Variants in STON2 observed in about 807,000 individuals in gnomAD.
The protein encoded by STON2 is stonin 2.
In STON2, 29 loss-of-function variants were observed where a neutral mutation model predicts 65.7. The observed-to-expected ratio is 0.44, with a 90% confidence interval of 0.33 to 0.60. STON2 has a LOEUF of 0.60. Ranked by LOEUF, STON2 falls within the 20% of genes least tolerant of loss-of-function variation. STON2 has a pLI of 0.03. For missense variants in STON2, 1,054 were observed against 1,118.1 expected, an observed-to-expected ratio of 0.94 and a Z score of 0.82; for synonymous variants, 404 against 414.2, an observed-to-expected ratio of 0.98 and a Z score of 0.30.
rs139321163 is a variant in STON2, at chr14:81,412,847, A to G, written c.-199+14255T>C. 9.5e-4 allele frequency: 483 copies of G among 506,466 alleles called. 34 individuals carry two copies. The highest frequency in any genetic ancestry group is 1.5e-3 in the Non-Finnish European group (443 of 301,060). The allele number at this position is 506,466 out of a possible 1,614,324, so 31.4% of individuals were successfully genotyped here. On this transcript the variant is annotated intron_variant, in intron 2 of 8. Transcript: ENST00000553821. ...TGACCTTTAAAACTTTCTGTCAAACATTAAAAGCTTTCTTCTTAGAGGCGC... is the reference window on the plus strand; with the variant it reads ...TGACCTTTAAAACTTTCTGTCAAACGTTAAAAGCTTTCTTCTTAGAGGCGC...
intron 2 of STON2, among the ~76,000 whole-genome samples, chr14:81,408,514 G>T (rs181264585): frequency 6.6e-6 from 1 of 152,244 alleles, no homozygotes; most frequent in East Asian, 1.9e-4. Context: ...CCTAACCCTA[G>T]GTGGCTTCCT....
At chr14:81,378,084 T>A in intron 3 of STON2, among the ~76,000 whole-genome samples, 1 of 152,148 alleles carries the variant, frequency 6.6e-6, no homozygotes, top group Non-Finnish European at 1.5e-5. Flanking sequence ...CGACCTCAAG[T>A]GACAGCCCAC....
intron 5 of STON2, among the ~76,000 whole-genome samples, chr14:81,285,453 GCTGTAAT>G (rs1895295672): frequency 6.6e-6 from 1 of 152,180 alleles, no homozygotes; most frequent in Non-Finnish European, 1.5e-5. Flanking sequence ...TGACTGAATT[GCTGTAAT>G]CTCATGATAA....
At chr14:81,425,462 C>T (rs1404604180) in intron 2 of STON2, among the ~76,000 whole-genome samples, 1 of 152,090 alleles carries the variant, frequency 6.6e-6, no homozygotes. Flanking sequence ...ATCCCAGCTA[C>T]TTGGGAGGCT....
intron 5 of STON2, among the ~76,000 whole-genome samples, chr14:81,312,195 G>A (rs901378899): frequency 6.6e-5 from 10 of 152,134 alleles, no homozygotes; most frequent in Non-Finnish European, 1.2e-4. Context: ...AGAGTCTGCT[G>A]GGATCTAAGC....
intron 5 of STON2, among the ~76,000 whole-genome samples, chr14:81,296,949 C>A (rs1895785231): frequency 6.6e-6 from 1 of 152,172 alleles, no homozygotes; most frequent in South Asian, 2.1e-4. Flanking sequence ...CCATCTTCAG[C>A]CACCTGGCAA....
chr14:81,420,493 C>G (rs1901652721), intron 2 of STON2, among the ~76,000 whole-genome samples: 1 of 152,060 alleles, frequency 6.6e-6, no homozygotes, highest in African/African-American at 2.4e-5. Flanking sequence ...ATTCTAAGAA[C>G]AGAGAGAGGA....
chr14:81,352,334 G>A (rs1025652075), intron 4 of STON2, among the ~76,000 whole-genome samples: 3 of 152,160 alleles, frequency 2.0e-5, no homozygotes, highest in Non-Finnish European at 2.9e-5. Flanking sequence ...CTAAGTGGAA[G>A]GTACTGCTAA....
Position 81,277,119 on chromosome 14 carries a change from C to T in STON2, c.2363G>A (p.Arg788His), listed in dbSNP as rs747981712. Reference sequence around the variant, plus strand: ...CACCCACTCACTGGGCACAGGGTAACGGATCATCACATTCTCACAGGGAAC... The same window carrying T: ...CACCCACTCACTGGGCACAGGGTAATGGATCATCACATTCTCACAGGGAAC... ...TQVPCENVMIRYPVPSEWVKN... is the reference protein window; with the variant it reads ...TQVPCENVMIHYPVPSEWVKN... Residue 788 changes from arginine to histidine, a missense_variant, in exon 6 of 8, where the codon CGT (arginine) becomes CAT (histidine). Coordinates refer to ENST00000614646, the MANE Select transcript of STON2 (RefSeq NM_001394390.1). 16 of 1,614,088 alleles carry T rather than the reference C, an allele frequency of 9.9e-6. No homozygotes were observed. The highest frequency in any genetic ancestry group is 2.2e-5 in the South Asian group (2 of 91,084).
At chr14:81,435,577 G>A (rs553168598) in intron 1 of STON2, among the ~76,000 whole-genome samples, 1 of 152,106 alleles carries the variant, frequency 6.6e-6, no homozygotes, top group South Asian at 2.1e-4. Context: ...GAGGCAGGCA[G>A]AGACCAGGAG....
At chr14:81,333,970 A>G (rs1050156418) in intron 4 of STON2, among the ~76,000 whole-genome samples, 2 of 152,232 alleles carry the variant, frequency 1.3e-5, no homozygotes, top group Non-Finnish European at 2.9e-5. Context: ...GGTTAAATAC[A>G]TACCTTTACC....
At chr14:81,390,845 G>C (rs1900046426) in intron 3 of STON2, among the ~76,000 whole-genome samples, 1 of 152,208 alleles carries the variant, frequency 6.6e-6, no homozygotes, top group African/African-American at 2.4e-5. Context: ...GATGTCAGCA[G>C]AACTGCACTC....
chr14:81,416,343 G>A (rs1247805273), intron 2 of STON2, among the ~76,000 whole-genome samples: 1 of 152,192 alleles, frequency 6.6e-6, no homozygotes, highest in Admixed American at 6.5e-5. Context: ...TGGCATTCAG[G>A]AAGTGAAAGT....
intron 4 of STON2, among the ~76,000 whole-genome samples, chr14:81,328,661 AG>A (rs1322624780): frequency 6.6e-6 from 1 of 152,112 alleles, no homozygotes; most frequent in Non-Finnish European, 1.5e-5. Flanking sequence ...CCAGTGTTGA[AG>A]GGGGGTGCCT....
rs1353084517 is a variant in STON2 at position 81,264,949 on chromosome 14, AAAAG to A, written c.*3461_*3464del. ...AAGTCAAAAAGCAGGCCCTAGACTCAAAAGAAAGCACAGCTCTTGATACCACGTG... is the reference window on the plus strand; with the variant it reads ...AAGTCAAAAAGCAGGCCCTAGACTCAAAAGCACAGCTCTTGATACCACGTG... On this transcript the variant is annotated 3_prime_UTR_variant, in exon 8 of 8. Transcript: ENST00000614646. 1.0e-6 allele frequency: 1 copy of A among 985,288 alleles called. No homozygotes were observed. The highest frequency in any genetic ancestry group is 6.1e-5 in the Admixed American group (1 of 16,262). The allele number at this position is 985,288 out of a possible 1,614,324, so 61.0% of individuals were successfully genotyped here. A position where few individuals can be genotyped will look rare whatever the true frequency, so the allele number is the denominator to read the frequency against.
chr14:81,307,767 T>G (rs6574641), intron 5 of STON2, among the ~76,000 whole-genome samples: 1 of 152,140 alleles, frequency 6.6e-6, no homozygotes, highest in Non-Finnish European at 1.5e-5. Flanking sequence ...CTTATGCTTT[T>G]CTTAATAACA....
intron 4 of STON2, among the ~76,000 whole-genome samples, chr14:81,363,664 A>G (rs577574237): frequency 2.6e-5 from 4 of 152,326 alleles, no homozygotes; most frequent in South Asian, 4.1e-4. Flanking sequence ...CATTTTGAGG[A>G]AGGAAAATAT....
intron 6 of STON2, among the ~76,000 whole-genome samples, chr14:81,276,626 G>T (rs1372575483): frequency 6.6e-6 from 1 of 152,190 alleles, no homozygotes; most frequent in South Asian, 2.1e-4. Flanking sequence ...TTCAGAAGCT[G>T]CCCTGAAAAG....
chr14:81,323,356 A>C (rs1896888561), intron 5 of STON2: 1 of 152,222 alleles, frequency 6.6e-6, no homozygotes, highest in Non-Finnish European at 1.5e-5. Flanking sequence ...ATTCTCTCAA[A>C]GAATTCTCAA....
Sources: allele counts gnomAD v4.1 joint callset (sites outside exome capture counted in the v4.1 genomes callset), GRCh38; gene constraint gnomAD v4.1.1; transcripts MANE v1.5; gene names NCBI Gene and HGNC (gene_info 2026-07-23, HGNC 2026-07-21).